Variants in ALPK1 observed in about 807,000 individuals in gnomAD.
ALPK1 encodes alpha-protein kinase 1.
A neutral mutation model predicts 120.6 loss-of-function variants in ALPK1; 110 were observed. The observed-to-expected ratio is 0.91, with a 90% CI of 0.78 to 1.07. The LOEUF is 1.07. ALPK1 is among the 50% of genes least tolerant of loss of function. The pLI is 0.00. For synonymous variants in ALPK1, 582 were observed against 560.3 expected, an observed-to-expected ratio of 1.04 and a Z score of -0.55; for missense variants, 1,498 against 1,483.9, an observed-to-expected ratio of 1.01 and a Z score of -0.16.
rs1989925 is a variant in ALPK1, at chr4:112,423,670, A to G, written c.476-274A>G. The stretch of plus-strand genomic sequence containing the variant: ...AGAAAAGTTTGCCTCTACTCCTCAA[A>G]CCCTGCTCTATGTGAATGAATTATC... On this transcript the variant is annotated intron_variant, in intron 5 of 15. Coordinates refer to ENST00000650871, the MANE Select transcript of ALPK1 (RefSeq NM_025144.4). 0.58 allele frequency: 325,741 copies of G among 560,062 alleles called. 96,204 individuals carry two copies. The highest frequency in any genetic ancestry group is 0.8 in the East Asian group (19,246 of 24,130). 34.7% of individuals were successfully genotyped at this position (560,062 alleles called of 1,614,324 possible).
intron 2 of ALPK1, among the ~76,000 whole-genome samples, chr4:112,347,018 T>C (rs1730130837): frequency 6.6e-6 from 1 of 152,198 alleles, no homozygotes; most frequent in African/African-American, 2.4e-5. Flanking sequence ...TTCCCCTTCA[T>C]TGGTCCTCTG....
chr4:112,424,681 G>A (rs1271116461), intron 6 of ALPK1, among the ~76,000 whole-genome samples: 2 of 152,114 alleles, frequency 1.3e-5, no homozygotes, highest in Non-Finnish European at 2.9e-5. Context: ...CTAGTGGGGA[G>A]ACAGTTTGGA....
chr4:112,366,873 A>G (rs1302052999), intron 2 of ALPK1, among the ~76,000 whole-genome samples: 2 of 152,258 alleles, frequency 1.3e-5, no homozygotes, highest in African/African-American at 4.8e-5. Flanking sequence ...AGCCATAAAA[A>G]GAAATGAAAT....
At chr4:112,383,085 C>T (rs1731996275) in intron 4 of ALPK1, 1 of 153,628 alleles carries the variant, frequency 6.5e-6, no homozygotes, top group African/African-American at 2.4e-5. Flanking sequence ...TTTCTCAACT[C>T]ATTTATTGGA....
At chr4:112,368,914 C>A (rs1342107268) in intron 2 of ALPK1, among the ~76,000 whole-genome samples, 2 of 152,142 alleles carry the variant, frequency 1.3e-5, no homozygotes, top group Admixed American at 6.6e-5. Flanking sequence ...TTCATTTTCT[C>A]CCCTCTCACC....
chr4:112,432,118 G>T lies in ALPK1; in HGVS notation c.2571G>T (p.Leu857=). Residue 857 remains leucine (L), a synonymous_variant, in exon 11 of 16, where the codon CTG becomes CTT. Coordinates refer to ENST00000650871, the MANE Select transcript of ALPK1 (RefSeq NM_025144.4). The stretch of plus-strand genomic sequence containing the variant: ...CCACAGTGGATGAGGAGGGGCAACT[G>T]CTCGACAGCATGGATGTTCCCTGCA... The part of the protein sequence containing the change: ...DASTVDEEGQ[L]LDSMDVPCTN... 6.2e-7 allele frequency: 1 copy of T among 1,614,208 alleles called. No homozygotes were observed. The highest frequency in any genetic ancestry group is 8.5e-7 in the Non-Finnish European group (1 of 1,180,026).
intron 4 of ALPK1, among the ~76,000 whole-genome samples, chr4:112,398,198 G>A (rs1732750568): frequency 6.6e-6 from 1 of 152,192 alleles, no homozygotes; most frequent in Non-Finnish European, 1.5e-5. Context: ...GGAGAATGGT[G>A]AGAAGTGATA....
intron 5 of ALPK1, among the ~76,000 whole-genome samples, chr4:112,415,362 G>A (rs1378336983): frequency 6.6e-6 from 1 of 152,194 alleles, no homozygotes; most frequent in African/African-American, 2.4e-5. Context: ...AACAGGCTGG[G>A]CAGCGGCTCA....
chr4:112,421,750 G>A (rs1479181855), intron 5 of ALPK1, among the ~76,000 whole-genome samples: 3 of 152,046 alleles, frequency 2.0e-5, no homozygotes, highest in Non-Finnish European at 2.9e-5. Context: ...TATCACGCAC[G>A]GTAGCCATAC....
intron 1 of ALPK1, among the ~76,000 whole-genome samples, chr4:112,311,847 G>C (rs927162470): frequency 6.6e-6 from 1 of 152,224 alleles, no homozygotes; most frequent in Non-Finnish European, 1.5e-5. Context: ...GGCAGGCAGA[G>C]TGGTGAGGAT....
rs1728027786 is a variant in ALPK1 at position 112,305,881 on chromosome 4, G to T, written c.-153+8412G>T. ...GCCCATTCAGTATGATATTGGCTGT[G>T]GGTTTGTCATAGATAGCTCTTATTA... On this transcript the variant is annotated intron_variant, in intron 1 of 15. Coordinates refer to ENST00000650871, the MANE Select transcript of ALPK1 (RefSeq NM_025144.4). Among the ~76,000 whole-genome samples the T allele has an allele frequency of 2.6e-5, 4 of 152,116 alleles. No homozygotes were observed. In the South Asian group the frequency reaches 8.3e-4, roughly 32 times the overall value.
At position 112,411,827 on chromosome 4, in the gene ALPK1, G is replaced by A. The variant is rs780851052; in HGVS notation, c.277G>A (p.Ala93Thr). Residue 93 changes from alanine to threonine, a missense_variant and splice_region_variant, in exon 5 of 16, where the codon GCG (alanine) becomes ACG (threonine). Coordinates refer to ENST00000650871, the MANE Select transcript of ALPK1 (RefSeq NM_025144.4). ...VIGAGLQQLL[A>T]SLRASILARD... ...ACGATGTTCCACGCTGTTCCTCCAG[G>A]CGTCCCTGAGGGCCTCCATCCTCGC... The A allele has an allele frequency of 3.1e-6, 5 of 1,609,248 alleles. 1 individual carries two copies. In the Admixed American group the frequency reaches 5.1e-5, roughly 16 times the overall value.
chr4:112,386,732 G>A (rs1439432247), intron 4 of ALPK1, among the ~76,000 whole-genome samples: 1 of 152,138 alleles, frequency 6.6e-6, no homozygotes, highest in Non-Finnish European at 1.5e-5. Flanking sequence ...TTATATTCCA[G>A]CACCATTGTA....
At chr4:112,335,548 A>G (rs1729577304) in intron 2 of ALPK1, among the ~76,000 whole-genome samples, 1 of 152,144 alleles carries the variant, frequency 6.6e-6, no homozygotes, top group Non-Finnish European at 1.5e-5. Context: ...TGTTTGAGGG[A>G]ATGTGGCAGG....
chr4:112,368,063 G>A (rs13111049), intron 2 of ALPK1, among the ~76,000 whole-genome samples: 127,109 of 152,004 alleles, frequency 0.84, 53,178 homozygotes, highest in Middle Eastern at 0.9. Context: ...GCACCACCAC[G>A]CGCACCACCA....
chr4:112,309,931 A>G (rs1283956941), intron 1 of ALPK1, among the ~76,000 whole-genome samples: 2 of 152,070 alleles, frequency 1.3e-5, no homozygotes, highest in African/African-American at 4.8e-5. Context: ...ATTTCTTAGG[A>G]CCCAGAGATT....
chr4:112,341,901 C>T (rs547698684), intron 2 of ALPK1, among the ~76,000 whole-genome samples: 1 of 152,290 alleles, frequency 6.6e-6, no homozygotes, highest in East Asian at 1.9e-4. Context: ...CAGTTGCTTT[C>T]ACCCTCACCT....
intron 2 of ALPK1, chr4:112,357,211 C>A: frequency 6.5e-7 from 1 of 1,548,712 alleles, no homozygotes. Flanking sequence ...CGTTTCAGAC[C>A]AAGGGCTGCA....
chr4:112,434,295 C>T (rs1560689254), intron 11 of ALPK1, among the ~76,000 whole-genome samples: 1 of 152,172 alleles, frequency 6.6e-6, no homozygotes, highest in African/African-American at 2.4e-5. Context: ...CATTTCCATC[C>T]GGCTTCTCTA....
Sources: allele counts gnomAD v4.1 joint callset (sites outside exome capture counted in the v4.1 genomes callset), GRCh38; gene constraint gnomAD v4.1.1; transcripts MANE v1.5; gene names NCBI Gene and HGNC (gene_info 2026-07-23, HGNC 2026-07-21).